Variants in CHL1 observed in about 807,000 individuals in gnomAD.
CHL1 encodes neural cell adhesion molecule L1-like protein.
Under a neutral mutation model 141.9 loss-of-function variants are expected in CHL1, and 96 were observed. The observed-to-expected ratio is 0.68, with a 90% CI of 0.57 to 0.80. The LOEUF is 0.80. Ranked by LOEUF, CHL1 falls within the 30% of genes least tolerant of loss-of-function variation. The pLI, the probability that CHL1 is intolerant of heterozygous loss-of-function variation, is 0.00. For missense variants in CHL1, 1,820 were observed against 1,457.2 expected (o/e 1.25, Z -4.05); for synonymous variants, 613 against 502.2 (o/e 1.22, Z -2.95).
intron 2 of CHL1, among the ~76,000 whole-genome samples, chr3:317,383 A>G (rs1700223869): frequency 6.6e-6 from 1 of 151,958 alleles, no homozygotes; most frequent in African/African-American, 2.4e-5. Flanking sequence ...GTTCTCACTT[A>G]TTTGGCTATC....
At chr3:344,517 A>G (rs1702598857) in intron 8 of CHL1, 72 bp from the exon 9 acceptor site, 1 of 1,177,254 alleles carries the variant, frequency 8.5e-7, no homozygotes, top group African/African-American at 1.5e-5. Flanking sequence ...TTGTTTTAAG[A>G]AAGATGTGGT....
At chr3:348,404 A>G (rs1194629687) in intron 9 of CHL1, among the ~76,000 whole-genome samples, 2 of 152,186 alleles carry the variant, frequency 1.3e-5, no homozygotes, top group Non-Finnish European at 2.9e-5. Context: ...TCTCCTACTC[A>G]CTTATAGAAC....
At chr3:273,921 G>A (rs1695860809) in intron 2 of CHL1, among the ~76,000 whole-genome samples, 2 of 152,032 alleles carry the variant, frequency 1.3e-5, no homozygotes, top group African/African-American at 4.8e-5. Context: ...CCATAATTCT[G>A]CCTAAAATGT....
intron 8 of CHL1, 51 bp from the exon 9 acceptor site, chr3:344,538 T>A: frequency 7.0e-7 from 1 of 1,430,972 alleles, no homozygotes; most frequent in East Asian, 2.4e-5. Context: ...GTCACAGAAT[T>A]TTATGTATAT....
chr3:387,303 G>A (rs374177351), intron 19 of CHL1, among the ~76,000 whole-genome samples: 5 of 152,104 alleles, frequency 3.3e-5, no homozygotes, highest in Admixed American at 6.5e-5. Context: ...CTCCTTCCTC[G>A]TGGGCTCCTT....
intron 5 of CHL1, 181 bp downstream of exon 5, chr3:328,535 A>G: frequency 4.3e-6 from 2 of 467,888 alleles, no homozygotes; most frequent in South Asian, 4.5e-5. Flanking sequence ...ATGACCTTAG[A>G]AAACAACATA....
chr3:391,574 G>A (rs1242399248), intron 22 of CHL1, 101 bp from the exon 23 acceptor site: 1 of 759,262 alleles, frequency 1.3e-6, no homozygotes, highest in African/African-American at 1.8e-5. Flanking sequence ...ATTTACTTCA[G>A]ATGAGTTTGC....
intron 20 of CHL1, among the ~76,000 whole-genome samples, chr3:390,143 T>C (rs935030660): frequency 3.3e-5 from 5 of 152,216 alleles, no homozygotes; most frequent in African/African-American, 1.2e-4. Flanking sequence ...TCTAAATTCT[T>C]CTACCCAAAT....
intron 11 of CHL1, among the ~76,000 whole-genome samples, chr3:358,975 A>T (rs1045928076): frequency 1.2e-4 from 17 of 146,680 alleles, no homozygotes; most frequent in African/African-American, 2.2e-4. Flanking sequence ...AATATATGTT[A>T]TATATATATA....
At chr3:368,869 C>T (rs61580062) in intron 15 of CHL1, among the ~76,000 whole-genome samples, 3,141 of 152,032 alleles carry the variant, frequency 0.021, 70 homozygotes, top group African/African-American at 0.057. Flanking sequence ...CCCAGCGCTT[C>T]GATTTGTCAG....
At chr3:400,377 C>T (rs982706221) in intron 26 of CHL1, among the ~76,000 whole-genome samples, 15 of 152,012 alleles carry the variant, frequency 9.9e-5, no homozygotes, top group East Asian at 5.8e-4. Flanking sequence ...TAATTGGAAA[C>T]GTTAAAGAGT....
At chr3:249,203 G>C (rs562492544) in intron 2 of CHL1, among the ~76,000 whole-genome samples, 1 of 152,276 alleles carries the variant, frequency 6.6e-6, no homozygotes, top group South Asian at 2.1e-4. Context: ...CAACTGCAGA[G>C]GGCAAAGAGC....
chr3:314,575 T>C (rs1310561489), intron 2 of CHL1, among the ~76,000 whole-genome samples: 1 of 151,854 alleles, frequency 6.6e-6, no homozygotes, highest in Non-Finnish European at 1.5e-5. Flanking sequence ...TTCTAGCATC[T>C]GTGTTCAGCT....
chr3:405,255 G>A (rs978984552), intron 27 of CHL1, among the ~76,000 whole-genome samples: 3 of 152,108 alleles, frequency 2.0e-5, no homozygotes, highest in African/African-American at 7.2e-5. Flanking sequence ...AAGCACAAAT[G>A]TTGTGAATAA....
chr3:391,803 T>C lies in CHL1; in HGVS notation c.2914+6T>C. ...TCTTTTGCAATATCAGATAAGTAAG[T>C]AGAAATTTGAATTGGAGTTAACTTG... On this transcript the variant is annotated splice_donor_region_variant and intron_variant, in intron 23 of 27. Coordinates refer to ENST00000256509, the MANE Select transcript of CHL1 (RefSeq NM_006614.4). The C allele has an allele frequency of 2.5e-6, 4 of 1,576,622 alleles. No homozygotes were observed. The highest frequency in any genetic ancestry group is 3.4e-6 in the Non-Finnish European group (4 of 1,161,986).
intron 1 of CHL1, among the ~76,000 whole-genome samples, chr3:202,107 C>G (rs946551001): frequency 2.0e-5 from 3 of 152,174 alleles, no homozygotes; most frequent in Non-Finnish European, 4.4e-5. Context: ...GTGGCATTGG[C>G]TTAGTCATGT....
chr3:348,109 C>A (rs943954540), intron 9 of CHL1, among the ~76,000 whole-genome samples: 1 of 152,088 alleles, frequency 6.6e-6, no homozygotes, highest in African/African-American at 2.4e-5. Context: ...AGCATATATT[C>A]TAAGACTATA....
chr3:268,587 C>T (rs1050267429), intron 2 of CHL1, among the ~76,000 whole-genome samples: 2 of 151,946 alleles, frequency 1.3e-5, no homozygotes, highest in East Asian at 1.9e-4. Flanking sequence ...TAATGACTAG[C>T]TTATGCTCTC....
intron 26 of CHL1, 124 bp downstream of exon 26, chr3:399,272 A>G (rs1708921377): frequency 1.2e-5 from 8 of 690,038 alleles, no homozygotes; most frequent in Admixed American, 7.1e-5. Flanking sequence ...AGTTAGATGT[A>G]CAATGCACTG....
Sources: gnomAD v4.1 joint callset for allele counts (sites outside exome capture counted in the v4.1 genomes callset) on GRCh38, gnomAD v4.1.1 for gene constraint, MANE v1.5 for transcripts, NCBI Gene and HGNC (gene_info 2026-07-23, HGNC 2026-07-21) for gene names.